HECW1: variants seen among roughly 807,000 people sequenced by gnomAD.
HECW1 encodes the protein E3 ubiquitin-protein ligase HECW1.
Under a neutral mutation model 182.3 loss-of-function variants are expected in HECW1, and 61 were observed. The ratio of observed to expected loss-of-function variants is 0.33; its 90% CI spans 0.27 to 0.41. The LOEUF (loss-of-function observed/expected upper bound fraction) is 0.41. HECW1 is among the 10% of genes least tolerant of loss of function. The pLI is 1.00. For missense variants in HECW1, 1,739 were observed against 2,108.9 expected, an observed-to-expected ratio of 0.82 and a Z score of 3.44; for synonymous variants, 859 against 832.6, an observed-to-expected ratio of 1.03 and a Z score of -0.55.
At chr7:43,534,761 A>G (rs1320408923) in intron 24 of HECW1, among the ~76,000 whole-genome samples, 1 of 152,218 alleles carries the variant, frequency 6.6e-6, no homozygotes, top group African/African-American at 2.4e-5. Flanking sequence ...CATGATACAT[A>G]AATGCTGTTT....
intron 2 of HECW1, among the ~76,000 whole-genome samples, chr7:43,194,919 C>G (rs956698004): frequency 6.6e-6 from 1 of 152,152 alleles, no homozygotes; most frequent in Non-Finnish European, 1.5e-5. Context: ...GTGTCGAACT[C>G]CTGACCTCAG....
At chr7:43,255,347 C>G (rs1197963127) in intron 3 of HECW1, among the ~76,000 whole-genome samples, 1 of 152,092 alleles carries the variant, frequency 6.6e-6, no homozygotes, top group East Asian at 1.9e-4. Context: ...GCCTGTAATC[C>G]CAGCACTTTT....
In HECW1 at chr7:43,521,374, ACT is replaced by A. The variant is rs140333680; in HGVS notation, c.4019+12256_4019+12257del. 1.4e-3 allele frequency among the ~76,000 whole-genome samples: 217 copies of A among 152,258 alleles called. 1 individual carries two copies. The highest frequency in any genetic ancestry group is 4.9e-3 in the African/African-American group (205 of 41,540). ...CACAATTCTCCTAGGAGGCAAAATC[ACT>A]CTGTTGAGAATCACTGTTTTCATGA... On this transcript the variant is annotated intron_variant, in intron 24 of 29. Coordinates refer to ENST00000395891, the MANE Select transcript of HECW1 (RefSeq NM_015052.5).
intron 2 of HECW1, among the ~76,000 whole-genome samples, chr7:43,221,550 T>TG (rs1562694154): frequency 7.2e-5 from 2 of 27,790 alleles, no homozygotes; most frequent in East Asian, 1.3e-3. Context: ...TTTTTTTTTT[T>TG]TTTTTTTTTT....
chr7:43,205,714 T>C (rs1795410881), intron 2 of HECW1, among the ~76,000 whole-genome samples: 2 of 152,110 alleles, frequency 1.3e-5, no homozygotes, highest in African/African-American at 4.8e-5. Flanking sequence ...GTTCAAAAAA[T>C]TTCTAATAGG....
chr7:43,380,017 C>T (rs2074481283), intron 6 of HECW1, among the ~76,000 whole-genome samples: 1 of 152,180 alleles, frequency 6.6e-6, no homozygotes, highest in South Asian at 2.1e-4. Context: ...TGGGTTATTC[C>T]CTGGCTCAGC....
chr7:43,553,214 G>T (rs1419119024), intron 28 of HECW1, among the ~76,000 whole-genome samples: 1 of 152,152 alleles, frequency 6.6e-6, no homozygotes, highest in Non-Finnish European at 1.5e-5. Flanking sequence ...ATTACTTATA[G>T]ATTTGAAGGG....
intron 2 of HECW1, among the ~76,000 whole-genome samples, chr7:43,137,444 T>G (rs1166020357): frequency 6.6e-6 from 1 of 152,232 alleles, no homozygotes; most frequent in Non-Finnish European, 1.5e-5. Flanking sequence ...CATCAGTAGA[T>G]TCCGCACATT....
At chr7:43,200,821 C>T (rs2152689443) in intron 2 of HECW1, among the ~76,000 whole-genome samples, 1 of 152,310 alleles carries the variant, frequency 6.6e-6, no homozygotes, top group South Asian at 2.1e-4. Context: ...TGTGGCCCAA[C>T]ATGCTCACCT....
intron 16 of HECW1, among the ~76,000 whole-genome samples, chr7:43,470,989 A>G (rs553880430): frequency 6.6e-6 from 1 of 152,364 alleles, no homozygotes; most frequent in African/African-American, 2.4e-5. Flanking sequence ...AAGTCACTCC[A>G]CATTTCTGAG....
At position 43,562,030 on chromosome 7, in the gene HECW1, T is replaced by C. The variant is rs879067327; in HGVS notation, c.*104T>C. On this transcript the variant is annotated 3_prime_UTR_variant, in exon 30 of 30. Coordinates refer to ENST00000395891, the MANE Select transcript of HECW1 (RefSeq NM_015052.5). Reference sequence around the variant, plus strand: ...AATCAACTCTCCTTTGATTTTGGTATTCCATGATTTTTATTTTCAAACCAA... The same window carrying C: ...AATCAACTCTCCTTTGATTTTGGTACTCCATGATTTTTATTTTCAAACCAA... 1.1e-4 allele frequency: 74 copies of C among 673,828 alleles called. No individual in the cohort carries two copies. The highest frequency in any genetic ancestry group is 6.7e-4 in the South Asian group (36 of 53,596). The allele number at this position is 673,828 out of a possible 1,614,324, so 41.7% of individuals were successfully genotyped here.
intron 5 of HECW1, among the ~76,000 whole-genome samples, chr7:43,350,610 GT>G (rs1265627324): frequency 6.6e-6 from 1 of 152,114 alleles, no homozygotes; most frequent in Non-Finnish European, 1.5e-5. Flanking sequence ...CAAAGACCTT[GT>G]CTTCAAGCTC....
chr7:43,287,020 C>T (rs542280562), intron 3 of HECW1, among the ~76,000 whole-genome samples: 27 of 149,192 alleles, frequency 1.8e-4, no homozygotes, highest in Admixed American at 3.4e-4. Context: ...TTGGGGGTAG[C>T]GGGGAGTTGT....
intron 24 of HECW1, chr7:43,522,927 G>T: frequency 2.9e-6 from 1 of 349,108 alleles, no homozygotes; most frequent in African/African-American, 2.2e-5. Flanking sequence ...CAGCTCCGTG[G>T]TGGGGATGTT....
chr7:43,306,326 T>C (rs1275546098), intron 3 of HECW1, among the ~76,000 whole-genome samples: 1 of 152,250 alleles, frequency 6.6e-6, no homozygotes, highest in Non-Finnish European at 1.5e-5. Flanking sequence ...TTATTATACA[T>C]TTCTTGGTTT....
intron 6 of HECW1, among the ~76,000 whole-genome samples, chr7:43,379,347 C>A (rs1167395563): frequency 6.6e-6 from 1 of 152,210 alleles, no homozygotes; most frequent in African/African-American, 2.4e-5. Context: ...TGCACACACA[C>A]TCCCATGCTG....
intron 6 of HECW1, among the ~76,000 whole-genome samples, chr7:43,368,344 C>T (rs540857568): frequency 6.6e-6 from 1 of 152,310 alleles, no homozygotes; most frequent in South Asian, 2.1e-4. Context: ...ACACCACAGC[C>T]ATGATTTCTG....
chr7:43,385,390 T>C (rs1256742389), intron 6 of HECW1, among the ~76,000 whole-genome samples: 2 of 150,132 alleles, frequency 1.3e-5, no homozygotes, highest in African/African-American at 2.5e-5. Context: ...TCTCTGCCTC[T>C]GTCTTCTGCC....
chr7:43,292,177 C>G (rs1001569858), intron 3 of HECW1, among the ~76,000 whole-genome samples: 2 of 152,170 alleles, frequency 1.3e-5, no homozygotes, highest in South Asian at 2.1e-4. Flanking sequence ...GCCAAAGAGG[C>G]ATATTTTGGG....
Sources: allele counts gnomAD v4.1 joint callset (sites outside exome capture counted in the v4.1 genomes callset), GRCh38; gene constraint gnomAD v4.1.1; transcripts MANE v1.5; gene names NCBI Gene and HGNC (gene_info 2026-07-23, HGNC 2026-07-21).